The following RBMS3 variants were observed in gnomAD, a reference collection of about 807,000 sequenced individuals.
RBMS3 encodes the protein RNA-binding motif, single-stranded-interacting protein 3.
Under a neutral mutation model 66.8 loss-of-function variants are expected in RBMS3, and 27 were observed. The ratio of observed to expected loss-of-function variants is 0.40; its 90% confidence interval spans 0.30 to 0.56. The LOEUF is 0.56. RBMS3 is among the 20% of genes least tolerant of loss of function. The pLI is 0.40. For missense variants in RBMS3, 513 were observed against 549.5 expected, an observed-to-expected ratio of 0.93 and a Z score of 0.66; for synonymous variants, 188 against 183.0, an observed-to-expected ratio of 1.03 and a Z score of -0.22.
Position 29,844,243 on chromosome 3 carries a change from GTGTTT to G in RBMS3, c.638-24594_638-24590del, listed in dbSNP as rs543442183. Among the ~76,000 whole-genome samples, 412 of 151,936 alleles carry G rather than the reference GTGTTT, an allele frequency of 2.7e-3. 1 individual carries two copies. Among genetic ancestry groups the G allele is most frequent in the African/African-American group, 9.4e-3 (390 of 41,452 alleles). On this transcript the variant is annotated intron_variant, in intron 6 of 14. Transcript: ENST00000383767. ...TGAGAAAGCTCTTTGTTTTTTTGTTGTGTTTTGTTTTGTTTTGTTTTGTTTGTGCC... is the reference window on the plus strand; with the variant it reads ...TGAGAAAGCTCTTTGTTTTTTTGTTGTGTTTTGTTTTGTTTTGTTTGTGCC...
intron 1 of RBMS3, among the ~76,000 whole-genome samples, chr3:29,404,769 G>A (rs1293559807): frequency 6.6e-6 from 1 of 152,068 alleles, no homozygotes; most frequent in Non-Finnish European, 1.5e-5. Context: ...AAATAGGTCA[G>A]TTCTGAAGAT....
chr3:29,747,821 G>A (rs761166157), intron 5 of RBMS3, among the ~76,000 whole-genome samples: 28 of 152,142 alleles, frequency 1.8e-4, no homozygotes. Context: ...GGCAAACAGG[G>A]GCAGAAGTTG....
intron 3 of RBMS3, among the ~76,000 whole-genome samples, chr3:29,570,234 G>A (rs1160926369): frequency 6.6e-6 from 1 of 151,922 alleles, no homozygotes; most frequent in Non-Finnish European, 1.5e-5. Flanking sequence ...TGAGGTATAG[G>A]AGATATTTTG....
intron 1 of RBMS3, among the ~76,000 whole-genome samples, chr3:29,284,862 CTTTTTTTTTTT>C (rs773078453): frequency 1.8e-5 from 2 of 112,776 alleles, no homozygotes; most frequent in African/African-American, 6.7e-5. Flanking sequence ...ATGAATTTTT[CTTTTTTTTTTT>C]TTTTTTTTTT....
intron 6 of RBMS3, among the ~76,000 whole-genome samples, chr3:29,805,752 T>A (rs9812504): frequency 0.57 from 86,583 of 151,864 alleles, 25,337 homozygotes; most frequent in African/African-American, 0.63. Flanking sequence ...ATGTGATTAC[T>A]AAAGAGTCAA....
intron 6 of RBMS3, among the ~76,000 whole-genome samples, chr3:29,782,056 C>T (rs1214221107): frequency 6.6e-6 from 1 of 152,220 alleles, no homozygotes; most frequent in East Asian, 1.9e-4. Context: ...TCTACCCACC[C>T]TCGGAGTCGA....
chr3:29,694,267 T>A (rs1262581150), intron 4 of RBMS3, among the ~76,000 whole-genome samples: 2 of 152,160 alleles, frequency 1.3e-5, no homozygotes, highest in Non-Finnish European at 2.9e-5. Flanking sequence ...GTCACATACA[T>A]TTTCACCCAA....
chr3:29,474,686 G>A (rs1248481411), intron 2 of RBMS3, among the ~76,000 whole-genome samples: 1 of 152,222 alleles, frequency 6.6e-6, no homozygotes, highest in Non-Finnish European at 1.5e-5. Flanking sequence ...TAGGGACAGT[G>A]CTACGAAGAG....
chr3:29,795,272 T>C (rs1366202266), intron 6 of RBMS3, among the ~76,000 whole-genome samples: 2 of 152,302 alleles, frequency 1.3e-5, no homozygotes, highest in East Asian at 3.9e-4. Context: ...TCACAGAAAG[T>C]GGAAGCCAGT....
At chr3:29,458,150 C>A (rs2042255959) in intron 2 of RBMS3, among the ~76,000 whole-genome samples, 1 of 152,092 alleles carries the variant, frequency 6.6e-6, no homozygotes, top group African/African-American at 2.4e-5. Flanking sequence ...CCCTTCCAAC[C>A]AGACTGTAAG....
At chr3:29,559,510 C>CAAAAAAAAAAAAAAAAAA (rs553520590) in intron 3 of RBMS3, among the ~76,000 whole-genome samples, 1 of 41,338 alleles carries the variant, frequency 2.4e-5, no homozygotes, top group South Asian at 6.8e-4. Flanking sequence ...GACTCTGTCT[C>CAAAAAAAAAAAAAAAAAA]AAAAAAAAAA....
chr3:29,925,788 CTGA>C (rs1209250328), intron 10 of RBMS3, among the ~76,000 whole-genome samples: 1 of 152,110 alleles, frequency 6.6e-6, no homozygotes, highest in South Asian at 2.1e-4. Context: ...ACTAAGCTCC[CTGA>C]TGATAGTATC....
chr3:29,695,512 A>G (rs1287271322), intron 4 of RBMS3, among the ~76,000 whole-genome samples: 1 of 152,150 alleles, frequency 6.6e-6, no homozygotes, highest in African/African-American at 2.4e-5. Context: ...TTCACTCTTT[A>G]AATGTTAGTT....
At chr3:29,321,766 GGT>G (rs1462960527) in intron 1 of RBMS3, among the ~76,000 whole-genome samples, 1 of 152,090 alleles carries the variant, frequency 6.6e-6, no homozygotes, top group Non-Finnish European at 1.5e-5. Context: ...CATCTGTGAA[GGT>G]CAAAGCCACC....
chr3:29,874,583 C>A (rs1458637406), intron 7 of RBMS3, among the ~76,000 whole-genome samples: 1 of 152,148 alleles, frequency 6.6e-6, no homozygotes, highest in Non-Finnish European at 1.5e-5. Context: ...CATATGTGAT[C>A]TTGAAAAGAG....
chr3:29,549,624 A>G (rs1435298195), intron 3 of RBMS3, among the ~76,000 whole-genome samples: 1 of 151,896 alleles, frequency 6.6e-6, no homozygotes, highest in East Asian at 1.9e-4. Context: ...GGTCTCGAAC[A>G]CCTGACCTCA....
intron 6 of RBMS3, among the ~76,000 whole-genome samples, chr3:29,812,440 T>C (rs2057755656): frequency 6.6e-6 from 1 of 152,170 alleles, no homozygotes; most frequent in South Asian, 2.1e-4. Context: ...TTCTAGGTAT[T>C]GGTACTTGAC....
intron 3 of RBMS3, among the ~76,000 whole-genome samples, chr3:29,507,792 A>G (rs568213762): frequency 2.6e-4 from 39 of 152,278 alleles, no homozygotes; most frequent in African/African-American, 8.7e-4. Context: ...AACATAATGC[A>G]TTTAGAAGGC....
intron 6 of RBMS3, chr3:29,767,154 TG>T (rs2055965093): frequency 6.6e-6 from 1 of 151,970 alleles, no homozygotes; most frequent in African/African-American, 2.4e-5. Flanking sequence ...CTGTGGGGCA[TG>T]GACTTGAAAG....
Sources: allele counts gnomAD v4.1 joint callset (sites outside exome capture counted in the v4.1 genomes callset), GRCh38; gene constraint gnomAD v4.1.1; transcripts MANE v1.5; gene names NCBI Gene and HGNC (gene_info 2026-07-23, HGNC 2026-07-21).